ATP10A: variants seen among roughly 807,000 people sequenced by gnomAD.
The protein encoded by ATP10A is ATPase phospholipid transporting 10A (putative).
Under a neutral mutation model 147.8 loss-of-function variants are expected in ATP10A, and 111 were observed. The observed-to-expected ratio is 0.75, with a 90% confidence interval of 0.64 to 0.88. ATP10A has a LOEUF of 0.88. ATP10A is among the 40% of genes least tolerant of loss of function. The probability of loss-of-function intolerance (pLI) is 0.00; values close to 1 mark genes in which losing one functional copy is unlikely to be tolerated. For missense variants in ATP10A, 1,927 were observed against 1,959.0 expected (o/e 0.98, Z 0.31); for synonymous variants, 875 against 841.6 (o/e 1.04, Z -0.69).
chr15:25,854,395 G>A (rs1434050796), intron 1 of ATP10A, among the ~76,000 whole-genome samples: 8 of 152,160 alleles, frequency 5.3e-5, no homozygotes, highest in Non-Finnish European at 8.8e-5. Context: ...AAAAACAGCT[G>A]TTCTAAGAAT....
intron 4 of ATP10A, 31 bp from the exon 5 acceptor site, chr15:25,726,113 T>A: frequency 6.2e-7 from 1 of 1,607,332 alleles, no homozygotes; most frequent in Non-Finnish European, 8.5e-7. Context: ...ACATGGCAAG[T>A]CAGAGACTGG....
At chr15:25,776,205 C>G (rs1352639024) in intron 2 of ATP10A, among the ~76,000 whole-genome samples, 2 of 152,174 alleles carry the variant, frequency 1.3e-5, no homozygotes, top group African/African-American at 4.8e-5. Context: ...GAACTAGAAA[C>G]TGCTACCCAC....
intron 2 of ATP10A, among the ~76,000 whole-genome samples, chr15:25,740,103 G>T (rs1390402115): frequency 1.3e-5 from 2 of 152,214 alleles, no homozygotes; most frequent in Non-Finnish European, 2.9e-5. Context: ...TCACAGGGGA[G>T]ATTCTGTTAC....
chr15:25,705,152 G>A (rs1246910185), intron 12 of ATP10A, among the ~76,000 whole-genome samples: 2 of 152,146 alleles, frequency 1.3e-5, no homozygotes, highest in East Asian at 3.9e-4. Context: ...TTTAAGATAA[G>A]CACCTGGGCC....
chr15:25,780,333 A>C lies in ATP10A; in HGVS notation c.654+686T>G, dbSNP rs114259361. 9.7e-3 allele frequency among the ~76,000 whole-genome samples: 1,483 copies of C among 152,348 alleles called. 23 individuals carry two copies. The highest frequency in any genetic ancestry group is 0.034 in the African/African-American group (1,420 of 41,584). On this transcript the variant is annotated intron_variant, in intron 2 of 20. Coordinates refer to ENST00000555815, the MANE Select transcript of ATP10A (RefSeq NM_024490.4). The stretch of plus-strand genomic sequence containing the variant: ...TGGGAGAAGGAGGCTTGGGAGGAGA[A>C]GGCTCGGGCCAGGCCCATTTCCTTG...
intron 16 of ATP10A, among the ~76,000 whole-genome samples, chr15:25,684,516 C>T (rs904714575): frequency 2.0e-5 from 3 of 152,152 alleles, no homozygotes; most frequent in Non-Finnish European, 4.4e-5. Flanking sequence ...TGAGTGGTAT[C>T]GTTAGTTCCC....
At chr15:25,724,837 A>G (rs1002221693) in intron 5 of ATP10A, among the ~76,000 whole-genome samples, 3 of 152,262 alleles carry the variant, frequency 2.0e-5, no homozygotes, top group Non-Finnish European at 4.4e-5. Flanking sequence ...TGTGGGTTCC[A>G]TATCCGTGGA....
intron 3 of ATP10A, among the ~76,000 whole-genome samples, chr15:25,735,348 C>A (rs1596786710): frequency 6.6e-6 from 1 of 152,230 alleles, no homozygotes; most frequent in African/African-American, 2.4e-5. Flanking sequence ...TGACCACACA[C>A]ACACACACAC....
intron 2 of ATP10A, among the ~76,000 whole-genome samples, chr15:25,774,524 C>T (rs1448759322): frequency 1.3e-5 from 2 of 150,832 alleles, no homozygotes; most frequent in Admixed American, 6.6e-5. Flanking sequence ...TGCAGTGAGC[C>T]GAGATAGTGC....
intron 2 of ATP10A, among the ~76,000 whole-genome samples, chr15:25,749,268 TA>T (rs970315265): frequency 1.7e-4 from 26 of 152,206 alleles, no homozygotes; most frequent in Admixed American, 9.8e-4. Context: ...GGAATACATC[TA>T]AAAAATGTAT....
At chr15:25,684,434 C>A (rs188513786) in intron 16 of ATP10A, among the ~76,000 whole-genome samples, 11 of 152,182 alleles carry the variant, frequency 7.2e-5, no homozygotes, top group Non-Finnish European at 1.6e-4. Flanking sequence ...GAGCGTGAAG[C>A]GACCCAGTAC....
intron 2 of ATP10A, among the ~76,000 whole-genome samples, chr15:25,770,162 G>C: frequency 6.6e-6 from 1 of 151,082 alleles, no homozygotes; most frequent in African/African-American, 2.5e-5. Flanking sequence ...GGCGAGGTGG[G>C]GAGGGGCCCC....
At position 25,800,288 on chromosome 15, in the gene ATP10A, T is replaced by G. The variant is rs1890878149; in HGVS notation, c.450-19065A>C. On this transcript the variant is annotated intron_variant, in intron 1 of 20. Coordinates refer to ENST00000555815, the MANE Select transcript of ATP10A (RefSeq NM_024490.4). ...GTTCCCGTAGGGCTTCAGTGAGTTT[T>G]CTATGTCCTGGACAAGATAAGCCGC... Among the ~76,000 whole-genome samples, 4 of 152,202 alleles carry G rather than the reference T, an allele frequency of 2.6e-5. No homozygotes were observed. The South Asian group carries it at 8.3e-4, about 32-fold the overall frequency.
chr15:25,749,056 C>A (rs1888005972), intron 2 of ATP10A, among the ~76,000 whole-genome samples: 1 of 107,198 alleles, frequency 9.3e-6, no homozygotes, highest in Non-Finnish European at 1.8e-5. Flanking sequence ...GAGTGAGACT[C>A]TGTCAAAAAA....
chr15:25,676,699 C>A (rs1241085639), downstream of ATP10A, among the ~76,000 whole-genome samples: 1 of 151,810 alleles, frequency 6.6e-6, no homozygotes, highest in East Asian at 1.9e-4. Context: ...CTCTTTATGG[C>A]CTGAAGTCTA....
chr15:25,723,036 A>C (rs1902337586), intron 6 of ATP10A, among the ~76,000 whole-genome samples: 1 of 152,200 alleles, frequency 6.6e-6, no homozygotes, highest in Non-Finnish European at 1.5e-5. Flanking sequence ...ATCTGAAAGA[A>C]GGCTATAGTT....
At chr15:25,796,369 C>A (rs918508120) in intron 1 of ATP10A, among the ~76,000 whole-genome samples, 4 of 151,126 alleles carry the variant, frequency 2.6e-5, no homozygotes, top group Non-Finnish European at 5.9e-5. Flanking sequence ...AGCACCACTA[C>A]ACTTCAGCCT....
intron 2 of ATP10A, among the ~76,000 whole-genome samples, chr15:25,759,089 T>G (rs1443323858): frequency 6.6e-6 from 1 of 152,186 alleles, no homozygotes; most frequent in Admixed American, 6.5e-5. Context: ...AAGAACCCCT[T>G]CCCCTCCTTT....
chr15:25,727,757 G>A (rs74564219), intron 3 of ATP10A, among the ~76,000 whole-genome samples: 3,160 of 152,318 alleles, frequency 0.021, 59 homozygotes, highest in Non-Finnish European at 0.03. Flanking sequence ...AAAGTTATTA[G>A]AAGTATTAAT....
Sources: allele counts gnomAD v4.1 joint callset (sites outside exome capture counted in the v4.1 genomes callset), GRCh38; gene constraint gnomAD v4.1.1; transcripts MANE v1.5; gene names NCBI Gene and HGNC (gene_info 2026-07-23, HGNC 2026-07-21).